ABL1: variants seen among roughly 807,000 people sequenced by gnomAD.
ABL1 encodes ABL proto-oncogene 1, non-receptor tyrosine kinase.
ABL1 carries 11 observed loss-of-function variants against 94.7 expected under a neutral mutation model. The ratio of observed to expected loss-of-function variants is 0.12; its 90% confidence interval spans 0.07 to 0.19. The LOEUF is 0.19. Among genes scored for constraint, ABL1 ranks in the 10% least tolerant of loss-of-function variants. ABL1 has a pLI of 1.00. For synonymous variants in ABL1, 656 were observed against 622.4 expected (o/e 1.05, Z -0.80); for missense variants, 1,082 against 1,489.4 (o/e 0.73, Z 4.50).
At chr9:130,882,041 C>T (rs1363180631) in intron 10 of ABL1, among the ~76,000 whole-genome samples, 1 of 152,220 alleles carries the variant, frequency 6.6e-6, no homozygotes, top group East Asian at 1.9e-4. Flanking sequence ...TCCCGCCCCG[C>T]TGGGCCATCT....
At chr9:130,821,053 C>T (rs1830354571) in intron 1 of ABL1, among the ~76,000 whole-genome samples, 2 of 152,090 alleles carry the variant, frequency 1.3e-5, no homozygotes, top group South Asian at 2.1e-4. Context: ...CCTCAGCCTC[C>T]CGAGTATCTG....
chr9:130,886,586 C>G lies in ABL1; in HGVS notation c.*903C>G. 1 of 233,584 alleles carries G rather than the reference C, an allele frequency of 4.3e-6. No homozygotes were observed. The highest frequency in any genetic ancestry group is 6.0e-5 in the East Asian group (1 of 16,576). 14.5% of individuals were successfully genotyped at this position (233,584 alleles called of 1,614,324 possible). The stretch of plus-strand genomic sequence containing the variant: ...GGGTGAACAGCTGGTGCCAAATAGC[C>G]CCAGACTGGGCCCAGGCAGGTCTGC... On this transcript the variant is annotated 3_prime_UTR_variant, in exon 11 of 11. Transcript: ENST00000318560.
intron 1 of ABL1, among the ~76,000 whole-genome samples, chr9:130,731,653 A>G (rs1233000156): frequency 1.3e-5 from 2 of 152,186 alleles, no homozygotes; most frequent in South Asian, 2.1e-4. Context: ...ATTACAATGT[A>G]TTACTGTAGC....
At chr9:130,780,363 T>C (rs1198307290) in intron 1 of ABL1, among the ~76,000 whole-genome samples, 2 of 152,116 alleles carry the variant, frequency 1.3e-5, no homozygotes, top group Non-Finnish European at 2.9e-5. Flanking sequence ...CTTTTGGCTG[T>C]TTTAGGAAGA....
chr9:130,819,514 G>A (rs1034401490), intron 1 of ABL1, among the ~76,000 whole-genome samples: 2 of 150,802 alleles, frequency 1.3e-5, no homozygotes, highest in African/African-American at 2.5e-5. Flanking sequence ...AATGAGACCA[G>A]GAAGTGAAGA....
At chr9:130,801,053 C>T (rs1318621745) in intron 1 of ABL1, among the ~76,000 whole-genome samples, 2 of 151,974 alleles carry the variant, frequency 1.3e-5, no homozygotes, top group Non-Finnish European at 2.9e-5. Context: ...CGTCAGCCTC[C>T]CAAGTAGCTG....
chr9:130,717,368 T>G (rs1831455834), intron 1 of ABL1, among the ~76,000 whole-genome samples: 1 of 151,972 alleles, frequency 6.6e-6, no homozygotes, highest in Non-Finnish European at 1.5e-5. Context: ...AAATGATCAA[T>G]GCATGATATA....
chr9:130,741,255 G>GTT, intron 1 of ABL1, among the ~76,000 whole-genome samples: 5 of 151,996 alleles, frequency 3.3e-5, no homozygotes, highest in African/African-American at 1.2e-4. Flanking sequence ...TGCCACAGCA[G>GTT]ACCCATGGTC....
At chr9:130,837,909 T>A (rs1249949485) in intron 1 of ABL1, among the ~76,000 whole-genome samples, 2 of 152,210 alleles carry the variant, frequency 1.3e-5, no homozygotes, top group Non-Finnish European at 2.9e-5. Context: ...AGGGAGAGAA[T>A]TGAATGAGAT....
At position 130,880,276 on chromosome 9, in the gene ABL1, C is replaced by T; in HGVS notation, c.1513+119C>T. 1 of 1,217,856 alleles carries T rather than the reference C, an allele frequency of 8.2e-7. No individual in the cohort carries two copies. The highest frequency in any genetic ancestry group is 1.2e-6 in the Non-Finnish European group (1 of 832,998). 75.4% of individuals were successfully genotyped at this position (1,217,856 alleles called of 1,614,324 possible). A position where few individuals can be genotyped will look rare whatever the true frequency, so the allele number is the denominator to read the frequency against. Reference sequence around the variant, plus strand: ...TTCACAGACCAGCCTGTCCTGAGACCAGAAAGCTGGGCAGAGGTGTGGAGT... The same window carrying T: ...TTCACAGACCAGCCTGTCCTGAGACTAGAAAGCTGGGCAGAGGTGTGGAGT... On this transcript the variant is annotated intron_variant, in intron 9 of 10. Transcript: ENST00000318560. This position sits in a 1 kb window ranked among gnomAD's most constrained non-coding sequence, Gnocchi z 4.4.
intron 1 of ABL1, among the ~76,000 whole-genome samples, chr9:130,821,042 G>A (rs2132876722): frequency 6.6e-6 from 1 of 152,108 alleles, no homozygotes. Context: ...CGATTCTCCT[G>A]CCTCAGCCTC....
intron 1 of ABL1, among the ~76,000 whole-genome samples, chr9:130,760,865 C>A (rs957862312): frequency 7.3e-5 from 11 of 149,672 alleles, no homozygotes; most frequent in Non-Finnish European, 1.3e-4. Context: ...CGGGGTTTCA[C>A]CATGTTGGCC....
chr9:130,807,386 C>T (rs1295401536), intron 1 of ABL1, among the ~76,000 whole-genome samples: 1 of 151,478 alleles, frequency 6.6e-6, no homozygotes, highest in Admixed American at 6.6e-5. Context: ...GTAGCTGGCG[C>T]ATGCCACCAT....
At position 130,885,475 on chromosome 9, in the gene ABL1, A is replaced by C; in HGVS notation, c.3185A>C (p.Asn1062Thr). 6.2e-7 allele frequency: 1 copy of C among 1,613,934 alleles called. No individual in the cohort carries two copies. Among genetic ancestry groups the C allele is most frequent in the East Asian group, 2.2e-5 (1 of 44,856 alleles). ...AGCGCAGTGCTGGAGGCCGGCAAAA[A>C]CCTCTACACGTTCTGCGTGAGCTAT... ...SHSAVLEAGK[N>T]LYTFCVSYVD... The change falls in exon 11 of 11, where the codon AAC becomes ACC. Residue 1062 changes from asparagine to threonine, a missense_variant. Around this residue, in one of 7 missense-constraint regions of ABL1, gnomAD observed 780 missense variants for 835.8 expected, o/e 0.93. Transcript: ENST00000318560.
intron 1 of ABL1, among the ~76,000 whole-genome samples, chr9:130,759,924 C>G (rs1217074729): frequency 6.6e-6 from 1 of 150,918 alleles, no homozygotes; most frequent in Non-Finnish European, 1.5e-5. Flanking sequence ...TCTCAACTAG[C>G]TGGGACTACG....
Position 130,884,236 on chromosome 9 carries a change from C to A in ABL1, c.1946C>A (p.Thr649Asn). ...ATCAGCAACGGGGCACTGGCTTTCA[C>A]CCCCTTGGACACAGCTGACCCAGCC... ...RDISNGALAF[T>N]PLDTADPAKS... The change falls in exon 11 of 11, where the codon ACC (threonine) becomes AAC (asparagine). Residue 649 changes from threonine to asparagine, a missense_variant. Around this residue, in one of 7 missense-constraint regions of ABL1, gnomAD observed 780 missense variants for 835.8 expected, o/e 0.93. Coordinates refer to ENST00000318560, the MANE Select transcript of ABL1 (RefSeq NM_005157.6). The surrounding 1 kb of genome is among the most constrained non-coding windows in gnomAD (Gnocchi z 5.6). 1.2e-6 allele frequency: 2 copies of A among 1,602,368 alleles called. No homozygotes were observed. The highest frequency in any genetic ancestry group is 2.7e-5 in the African/African-American group (2 of 74,340).
In ABL1 at chr9:130,784,245, T is replaced by G. The variant is rs1487317518; in HGVS notation, c.136+69790T>G. 4.6e-5 allele frequency among the ~76,000 whole-genome samples: 7 copies of G among 152,230 alleles called. No individual in the cohort carries two copies. In the East Asian group the frequency reaches 1.2e-3, roughly 25 times the overall value. ...GCATCTTCGATTTGAAGAAGTATAA[T>G]ATTCTACGAATATACAAATTTCTGT... On this transcript the variant is annotated intron_variant, in intron 1 of 10. Coordinates refer to the ABL1 transcript ENST00000372348.
chr9:130,744,438 G>T (rs540813556), intron 1 of ABL1, among the ~76,000 whole-genome samples: 1 of 151,610 alleles, frequency 6.6e-6, no homozygotes, highest in Non-Finnish European at 1.5e-5. Context: ...ACCACGCCTG[G>T]CCCCTTCTTG....
At chr9:130,716,025 T>TATAC (rs142645946) in intron 1 of ABL1, among the ~76,000 whole-genome samples, 3 of 144,872 alleles carry the variant, frequency 2.1e-5, no homozygotes, top group Non-Finnish European at 4.5e-5. Context: ...AATATATATA[T>TATAC]ACACACACAC....
Sources: gnomAD v4.1 joint callset for allele counts (sites outside exome capture counted in the v4.1 genomes callset) on GRCh38, gnomAD v4.1.1 for gene constraint, gnomAD v4.1.1 regional missense constraint, Gnocchi (gnomAD v3.1) non-coding constraint, MANE v1.5 for transcripts, NCBI Gene and HGNC (gene_info 2026-07-23, HGNC 2026-07-21) for gene names.